Variants in SLC26A8 observed in about 807,000 individuals in gnomAD.
SLC26A8 encodes the protein testis anion transporter 1.
Under a neutral mutation model 105.0 loss-of-function variants are expected in SLC26A8, and 70 were observed. The ratio of observed to expected loss-of-function variants is 0.67; its 90% CI spans 0.55 to 0.81. SLC26A8 has a LOEUF of 0.81. Ranked by LOEUF, SLC26A8 falls within the 40% of genes least tolerant of loss-of-function variation. The probability of loss-of-function intolerance (pLI) is 0.00; values close to 1 mark genes in which losing one functional copy is unlikely to be tolerated. For synonymous variants in SLC26A8, 415 were observed against 438.3 expected (o/e 0.95, Z 0.66); for missense variants, 998 against 1,181.8 (o/e 0.84, Z 2.28).
chr6:36,003,726 A>G (rs1761596134), intron 3 of SLC26A8, among the ~76,000 whole-genome samples: 1 of 151,476 alleles, frequency 6.6e-6, no homozygotes, highest in Non-Finnish European at 1.5e-5. Flanking sequence ...CAGTGGCACA[A>G]TCTTGGCTCA....
intron 3 of SLC26A8, among the ~76,000 whole-genome samples, chr6:36,005,451 G>A (rs374867451): frequency 3.9e-5 from 6 of 151,918 alleles, no homozygotes; most frequent in African/African-American, 7.3e-5. Flanking sequence ...ATTTTTACCT[G>A]TCTTTCATGA....
intron 8 of SLC26A8, among the ~76,000 whole-genome samples, chr6:35,980,535 CTTG>C (rs1293962544): frequency 6.6e-6 from 1 of 151,982 alleles, no homozygotes; most frequent in Middle Eastern, 3.2e-3. Context: ...CACTGTTGTT[CTTG>C]TTATTATTTT....
At chr6:35,983,333 G>A (rs1192922776) in intron 7 of SLC26A8, among the ~76,000 whole-genome samples, 1 of 152,154 alleles carries the variant, frequency 6.6e-6, no homozygotes, top group African/African-American at 2.4e-5. Context: ...CTTGTTCACA[G>A]AGAAAAATGA....
chr6:35,993,154 G>A (rs1484331949), intron 5 of SLC26A8, among the ~76,000 whole-genome samples: 1 of 91,528 alleles, frequency 1.1e-5, no homozygotes, highest in Non-Finnish European at 2.1e-5. Flanking sequence ...CTCACACTGG[G>A]CATTTTTTTT....
At chr6:35,960,257 G>T in intron 14 of SLC26A8, 2 of 158,490 alleles carry the variant, frequency 1.3e-5, no homozygotes. Flanking sequence ...TTTTCCTGCT[G>T]TCTTCTTTCT....
chr6:35,984,376 G>A (rs1773407511), intron 7 of SLC26A8, among the ~76,000 whole-genome samples: 1 of 142,006 alleles, frequency 7.0e-6, no homozygotes, highest in African/African-American at 2.6e-5. Context: ...AGGCTGGAGT[G>A]CAGTGGCACA....
At chr6:36,010,509 G>A in intron 3 of SLC26A8, among the ~76,000 whole-genome samples, 1 of 151,304 alleles carries the variant, frequency 6.6e-6, no homozygotes, top group East Asian at 1.9e-4. Context: ...AATTGTGGTG[G>A]TGGTTACACA....
chr6:35,958,131 A>G (rs1380085015), intron 16 of SLC26A8, among the ~76,000 whole-genome samples: 1 of 152,222 alleles, frequency 6.6e-6, no homozygotes, highest in African/African-American at 2.4e-5. Context: ...ATTTCCCAGC[A>G]CAGGCTGATG....
At chr6:35,987,465 G>A (rs1455607107) in intron 7 of SLC26A8, among the ~76,000 whole-genome samples, 1 of 152,032 alleles carries the variant, frequency 6.6e-6, no homozygotes, top group African/African-American at 2.4e-5. Context: ...TCCGCCTCTC[G>A]GGTTCATGCC....
intron 10 of SLC26A8, among the ~76,000 whole-genome samples, chr6:35,974,521 G>C (rs1772920899): frequency 6.6e-6 from 1 of 152,080 alleles, no homozygotes; most frequent in Admixed American, 6.6e-5. Context: ...TACAAAAGTA[G>C]AACAATTATA....
intron 3 of SLC26A8, among the ~76,000 whole-genome samples, chr6:36,003,649 C>G (rs1761591577): frequency 6.9e-6 from 1 of 144,376 alleles, no homozygotes; most frequent in African/African-American, 2.6e-5. Flanking sequence ...ATAATAATTT[C>G]TTTTCTTTTC....
At chr6:36,003,431 T>G (rs1234127178) in intron 3 of SLC26A8, among the ~76,000 whole-genome samples, 2 of 152,212 alleles carry the variant, frequency 1.3e-5, no homozygotes, top group African/African-American at 4.8e-5. Context: ...TTGCTCTAAT[T>G]ACTTTAGTAA....
Position 35,994,087 on chromosome 6 carries a change from G to A in SLC26A8, c.628-1413C>T, listed in dbSNP as rs955620398. Among the ~76,000 whole-genome samples the A allele has an allele frequency of 2.0e-5, 3 of 151,218 alleles. 1 individual carries two copies. Among genetic ancestry groups the A allele is most frequent in the Admixed American group, 1.3e-4 (2 of 15,146 alleles). On this transcript the variant is annotated intron_variant, in intron 5 of 19. Coordinates refer to ENST00000490799, the MANE Select transcript of SLC26A8 (RefSeq NM_052961.4). ...TTGTTTCAAAGCTTTCAATCAGCCC[G>A]GCACTGTGTCTCCCTTTTTTTTTCT...
chr6:35,984,319 A>ATTTTTTT (rs59314649), intron 7 of SLC26A8, among the ~76,000 whole-genome samples: 2 of 116,548 alleles, frequency 1.7e-5, no homozygotes, highest in African/African-American at 3.2e-5. Flanking sequence ...TCTTCTTCTT[A>ATTTTTTT]TTTTTTTTTT....
At chr6:35,951,926 A>G (rs529293415) in intron 17 of SLC26A8, among the ~76,000 whole-genome samples, 4 of 152,268 alleles carry the variant, frequency 2.6e-5, no homozygotes, top group Admixed American at 2.0e-4. Flanking sequence ...CTGGGGGTAT[A>G]TGTACCTTGC....
intron 3 of SLC26A8, among the ~76,000 whole-genome samples, chr6:36,009,126 G>A (rs1761773856): frequency 6.6e-6 from 1 of 152,140 alleles, no homozygotes; most frequent in Non-Finnish European, 1.5e-5. Context: ...GCCAAGGTGG[G>A]TGGTCACTTA....
At chr6:35,994,416 C>A (rs1562056162) in intron 5 of SLC26A8, among the ~76,000 whole-genome samples, 1 of 151,936 alleles carries the variant, frequency 6.6e-6, no homozygotes, top group South Asian at 2.1e-4. Context: ...GCCCTGCCAA[C>A]TGTCTCTCCC....
intron 11 of SLC26A8, among the ~76,000 whole-genome samples, chr6:35,966,623 G>A (rs1772527493): frequency 6.6e-6 from 1 of 152,008 alleles, no homozygotes. Flanking sequence ...TGGTCCTCTT[G>A]TAACTAGTTG....
chr6:35,988,841 G>GTTTTT (rs56822307), intron 7 of SLC26A8, among the ~76,000 whole-genome samples: 2 of 128,384 alleles, frequency 1.6e-5, no homozygotes, highest in African/African-American at 5.8e-5. Flanking sequence ...GTTCTATACG[G>GTTTTT]TTTTTTTTTT....
Sources: gnomAD v4.1 joint callset for allele counts (sites outside exome capture counted in the v4.1 genomes callset) on GRCh38, gnomAD v4.1.1 for gene constraint, MANE v1.5 for transcripts, NCBI Gene and HGNC (gene_info 2026-07-23, HGNC 2026-07-21) for gene names.